The following CSMD1 variants were observed in gnomAD, a reference collection of about 807,000 sequenced individuals.
CSMD1 encodes CUB and sushi domain-containing protein 1.
Under a neutral mutation model 417.5 loss-of-function variants are expected in CSMD1, and 213 were observed. The observed-to-expected ratio is 0.51, with a 90% CI of 0.46 to 0.57. The LOEUF (loss-of-function observed/expected upper bound fraction) is 0.57. Among genes scored for constraint, CSMD1 ranks in the 20% least tolerant of loss-of-function variants. The probability of loss-of-function intolerance (pLI) is 0.00; values close to 1 mark genes in which losing one functional copy is unlikely to be tolerated. For missense variants in CSMD1, 6,923 were observed against 4,529.7 expected (o/e 1.53, Z -15.17); for synonymous variants, 2,862 against 1,736.8 (o/e 1.65, Z -16.11).
intron 1 of CSMD1, among the ~76,000 whole-genome samples, chr8:4,860,295 A>T (rs1802050060): frequency 6.6e-6 from 1 of 150,578 alleles, no homozygotes. Context: ...TAGCATTAGG[A>T]GATATACCTA....
chr8:4,160,239 A>G (rs1797070723), intron 3 of CSMD1, among the ~76,000 whole-genome samples: 1 of 152,210 alleles, frequency 6.6e-6, no homozygotes, highest in African/African-American at 2.4e-5. Context: ...TCTAAAGTCT[A>G]ACTTTATCAT....
intron 13 of CSMD1, 73 bp downstream of exon 13, chr8:3,409,350 G>C: frequency 7.3e-7 from 1 of 1,376,236 alleles, no homozygotes; most frequent in Non-Finnish European, 9.7e-7. Flanking sequence ...GGCGGTCTGT[G>C]TCTTTCTCCT....
intron 1 of CSMD1, among the ~76,000 whole-genome samples, chr8:4,920,039 A>T (rs1003975748): frequency 1.3e-5 from 2 of 152,224 alleles, no homozygotes; most frequent in Admixed American, 1.3e-4. Flanking sequence ...TTGCTGCAGT[A>T]GCACAAAAGA....
At chr8:4,162,084 G>A (rs1456044727) in intron 3 of CSMD1, among the ~76,000 whole-genome samples, 5 of 152,088 alleles carry the variant, frequency 3.3e-5, no homozygotes, top group East Asian at 1.9e-4. Flanking sequence ...AAGCATTAAG[G>A]CAACATTTAA....
intron 10 of CSMD1, among the ~76,000 whole-genome samples, chr8:3,568,131 A>G (rs895106390): frequency 1.3e-5 from 2 of 152,182 alleles, no homozygotes; most frequent in African/African-American, 4.8e-5. Flanking sequence ...CAAACTTATA[A>G]TTAAATACTT....
At chr8:4,278,742 G>C (rs1170029316) in intron 3 of CSMD1, among the ~76,000 whole-genome samples, 1 of 152,130 alleles carries the variant, frequency 6.6e-6, no homozygotes, top group Non-Finnish European at 1.5e-5. Context: ...ATCTCTGTTT[G>C]ACTTGGTATA....
chr8:4,492,663 G>A (rs563864283), intron 2 of CSMD1, among the ~76,000 whole-genome samples: 41 of 152,162 alleles, frequency 2.7e-4, no homozygotes, highest in South Asian at 1.2e-3. Flanking sequence ...ATCAAAATAT[G>A]TAGACAACTG....
intron 29 of CSMD1, among the ~76,000 whole-genome samples, chr8:3,215,416 C>A (rs765760257): frequency 3.3e-5 from 5 of 152,268 alleles, no homozygotes; most frequent in Non-Finnish European, 7.4e-5. Context: ...CATTATGTAC[C>A]AGACATGGAA....
chr8:4,724,835 T>A (rs1345281451), intron 1 of CSMD1, among the ~76,000 whole-genome samples: 1 of 152,132 alleles, frequency 6.6e-6, no homozygotes, highest in Non-Finnish European at 1.5e-5. Context: ...ATAGCCTGTA[T>A]GTTTAAATTT....
At chr8:4,535,725 TC>T (rs1797070702) in intron 2 of CSMD1, among the ~76,000 whole-genome samples, 1 of 152,176 alleles carries the variant, frequency 6.6e-6, no homozygotes, top group Non-Finnish European at 1.5e-5. Context: ...GAGACAATAA[TC>T]TAAATGATCG....
chr8:3,152,523 A>G (rs1204940800), intron 39 of CSMD1, among the ~76,000 whole-genome samples: 1 of 152,140 alleles, frequency 6.6e-6, no homozygotes, highest in Non-Finnish European at 1.5e-5. Context: ...TTCTTTTTTA[A>G]TCATCATCAA....
intron 11 of CSMD1, among the ~76,000 whole-genome samples, chr8:3,486,589 G>A (rs1818047401): frequency 6.6e-6 from 1 of 152,182 alleles, no homozygotes; most frequent in Admixed American, 6.5e-5. Context: ...CAGAACAACT[G>A]GAAATGACTC....
chr8:3,700,887 T>C (rs1186966880), intron 7 of CSMD1, among the ~76,000 whole-genome samples: 6 of 152,022 alleles, frequency 3.9e-5, no homozygotes, highest in Non-Finnish European at 8.8e-5. Flanking sequence ...AGAGGAAGGA[T>C]GTGGTTCTAC....
At chr8:4,077,352 ATTTT>A (rs200852231) in intron 3 of CSMD1, among the ~76,000 whole-genome samples, 2 of 132,690 alleles carry the variant, frequency 1.5e-5, no homozygotes, top group Admixed American at 1.5e-4. Context: ...TATAATTTAT[ATTTT>A]TTATCAGAGG....
intron 1 of CSMD1, among the ~76,000 whole-genome samples, chr8:4,765,235 A>T (rs886743045): frequency 6.6e-6 from 1 of 152,188 alleles, no homozygotes; most frequent in Non-Finnish European, 1.5e-5. Context: ...CCTAGGCTGA[A>T]TCTTACAATA....
chr8:4,132,717 G>A (rs1803185190), intron 3 of CSMD1, among the ~76,000 whole-genome samples: 1 of 152,114 alleles, frequency 6.6e-6, no homozygotes, highest in African/African-American at 2.4e-5. Context: ...CACTTCCGCT[G>A]TCATGTGTGA....
intron 3 of CSMD1, among the ~76,000 whole-genome samples, chr8:4,130,617 A>G (rs1440593227): frequency 6.6e-6 from 1 of 152,112 alleles, no homozygotes; most frequent in Non-Finnish European, 1.5e-5. Flanking sequence ...CTTGTCTTCT[A>G]CCATTTAATT....
chr8:3,505,400 G>A (rs1004768889), intron 10 of CSMD1, among the ~76,000 whole-genome samples: 11 of 152,158 alleles, frequency 7.2e-5, no homozygotes, highest in Non-Finnish European at 1.5e-4. Flanking sequence ...GAAGTTTCTT[G>A]AGAAATAATT....
At chr8:4,392,197 C>A (rs560411744) in intron 3 of CSMD1, among the ~76,000 whole-genome samples, 1 of 152,112 alleles carries the variant, frequency 6.6e-6, no homozygotes, top group Non-Finnish European at 1.5e-5. Flanking sequence ...CTTGAGGTTG[C>A]TTTTTACACA....
Sources: allele counts gnomAD v4.1 joint callset (sites outside exome capture counted in the v4.1 genomes callset), GRCh38; gene constraint gnomAD v4.1.1; transcripts MANE v1.5; gene names NCBI Gene and HGNC (gene_info 2026-07-23, HGNC 2026-07-21).